The following STYXL1 variants were observed in gnomAD, a reference collection of about 807,000 sequenced individuals.
STYXL1 encodes serine/threonine/tyrosine-interacting-like protein 1.
In STYXL1, 32 loss-of-function variants were observed where a neutral mutation model predicts 36.4. The observed-to-expected ratio is 0.88, with a 90% confidence interval of 0.66 to 1.18. The LOEUF is 1.18. Ranked by LOEUF, STYXL1 falls within the 50% of genes most tolerant of loss-of-function variation. The pLI is 0.00. For missense variants in STYXL1, 354 were observed against 394.1 expected (o/e 0.90, Z 0.86); for synonymous variants, 133 against 144.1 (o/e 0.92, Z 0.55).
At chr7:75,996,683 G>C in intron 8 of STYXL1, 84 bp from the exon 9 acceptor site, 1 of 1,391,450 alleles carries the variant, frequency 7.2e-7, no homozygotes, top group Non-Finnish European at 1.0e-6. Flanking sequence ...TCAGAGACAG[G>C]AGGCACTTGC....
chr7:76,032,169 G>T (rs1202981321), intron 1 of STYXL1, among the ~76,000 whole-genome samples: 1 of 151,882 alleles, frequency 6.6e-6, no homozygotes, highest in Non-Finnish European at 1.5e-5. Flanking sequence ...AGGTAGGGGG[G>T]ATTGCTTGAG....
At chr7:76,003,395 T>G (rs188413900) in intron 7 of STYXL1, among the ~76,000 whole-genome samples, 22 of 152,184 alleles carry the variant, frequency 1.4e-4, no homozygotes, top group South Asian at 2.1e-4. Context: ...TGGAGAGAGA[T>G]AGATTTACTA....
intron 1 of STYXL1, among the ~76,000 whole-genome samples, chr7:76,040,810 T>G (rs1796407744): frequency 7.0e-6 from 1 of 143,436 alleles, no homozygotes. Flanking sequence ...CACTTCAGCC[T>G]GGGCAACACA....
intron 5 of STYXL1, among the ~76,000 whole-genome samples, chr7:76,011,197 G>C (rs941599912): frequency 6.6e-6 from 1 of 152,182 alleles, no homozygotes; most frequent in African/African-American, 2.4e-5. Flanking sequence ...CTGGGCAACA[G>C]AGTGAGACCC....
intron 1 of STYXL1, among the ~76,000 whole-genome samples, chr7:76,046,323 TGTGTGTGTGTGTGTGTGC>T (rs1405861734): frequency 0.02 from 523 of 26,478 alleles, 3 homozygotes; most frequent in South Asian, 0.051. Flanking sequence ...TGTGTGTGTG[TGTGTGTGTGTGTGTGTGC>T]GCGCGCGCGC....
intron 3 of STYXL1, among the ~76,000 whole-genome samples, chr7:76,022,694 C>A (rs1794225524): frequency 1.3e-5 from 2 of 151,618 alleles, no homozygotes; most frequent in Admixed American, 1.3e-4. Flanking sequence ...AAAAAACACC[C>A]CAAAAAAGGA....
intron 6 of STYXL1, among the ~76,000 whole-genome samples, chr7:76,004,362 T>C (rs1489885086): frequency 6.6e-6 from 1 of 151,764 alleles, no homozygotes; most frequent in African/African-American, 2.4e-5. Flanking sequence ...CTCAAAGTGC[T>C]GGGATTACAG....
At chr7:76,038,620 G>A (rs1796179389) in intron 1 of STYXL1, among the ~76,000 whole-genome samples, 1 of 151,616 alleles carries the variant, frequency 6.6e-6, no homozygotes, top group East Asian at 1.9e-4. Flanking sequence ...TAGAGACGGG[G>A]TTTCACCGTG....
Position 76,013,867 on chromosome 7 carries a change from T to C in STYXL1, c.328A>G (p.Ile110Val), listed in dbSNP as rs1792918926. ...CGGGTCAGGATCCTGCCATACTCAA[T>C]GGCTGCTTGAGGCACAAGATCTGAG... is the stretch of plus-strand genomic sequence containing the variant. ...DGKDLVPQAAIEYGRILTRLT... is the reference protein window; with the variant it reads ...DGKDLVPQAAVEYGRILTRLT... Residue 110 changes from isoleucine to valine, a missense_variant, in exon 5 of 9, where the codon ATT (isoleucine) becomes GTT (valine). By Grantham distance (29) the Ile-to-Val change is conservative. Transcript: ENST00000359697. 6.2e-7 allele frequency: 1 copy of C among 1,612,830 alleles called. No homozygotes were observed. Among genetic ancestry groups the C allele is most frequent in the Non-Finnish European group, 8.5e-7 (1 of 1,179,282 alleles).
intron 2 of STYXL1, among the ~76,000 whole-genome samples, chr7:76,029,980 G>A (rs1291944013): frequency 6.6e-6 from 1 of 151,962 alleles, no homozygotes; most frequent in Non-Finnish European, 1.5e-5. Flanking sequence ...GGGGGTTGGG[G>A]GTTGCGGACT....
At chr7:76,031,164 T>TAAA (rs1554579196) in intron 1 of STYXL1, among the ~76,000 whole-genome samples, 1 of 131,596 alleles carries the variant, frequency 7.6e-6, no homozygotes, top group Non-Finnish European at 1.6e-5. Flanking sequence ...CTGTCTAAAA[T>TAAA]AATAATAATA....
chr7:76,035,544 C>T (rs1795830717), intron 1 of STYXL1, among the ~76,000 whole-genome samples: 1 of 149,790 alleles, frequency 6.7e-6, no homozygotes. Context: ...GCCATCTGGA[C>T]CTGCCATCAT....
chr7:76,026,752 A>AAG (rs1426910633), intron 3 of STYXL1, among the ~76,000 whole-genome samples: 1 of 152,238 alleles, frequency 6.6e-6, no homozygotes, highest in African/African-American at 2.4e-5. Flanking sequence ...AGGTGAACCA[A>AAG]AGAGATAGAA....
intron 2 of STYXL1, 65 bp downstream of exon 2, chr7:76,030,356 C>A: frequency 7.9e-7 from 1 of 1,261,426 alleles, no homozygotes; most frequent in Non-Finnish European, 1.2e-6. Context: ...AGTTTGTTAA[C>A]TCATCAAAAA....
chr7:76,010,304 CAG>C (rs1202033529), intron 5 of STYXL1, among the ~76,000 whole-genome samples: 2 of 152,126 alleles, frequency 1.3e-5, no homozygotes, highest in African/African-American at 4.8e-5. Context: ...CTGAAATTCA[CAG>C]TGCTGTTATC....
chr7:76,041,036 G>A (rs1400380557), intron 1 of STYXL1, among the ~76,000 whole-genome samples: 7 of 150,972 alleles, frequency 4.6e-5, no homozygotes, highest in African/African-American at 9.7e-5. Context: ...CAAAAGGAGC[G>A]GTTTAAAATA....
chr7:76,012,414 G>A (rs1357276951), intron 5 of STYXL1, among the ~76,000 whole-genome samples: 1 of 151,962 alleles, frequency 6.6e-6, no homozygotes, highest in Non-Finnish European at 1.5e-5. Context: ...ATTTTTTTGA[G>A]CCAGGGTCTC....
chr7:76,020,321 G>A (rs1793911921), intron 4 of STYXL1, among the ~76,000 whole-genome samples: 1 of 152,212 alleles, frequency 6.6e-6, no homozygotes, highest in Non-Finnish European at 1.5e-5. Flanking sequence ...GGCAGTTGGT[G>A]TGAGTGCCCC....
intron 4 of STYXL1, among the ~76,000 whole-genome samples, chr7:76,015,949 C>T (rs1472915384): frequency 1.4e-4 from 22 of 152,130 alleles, no homozygotes; most frequent in Non-Finnish European, 3.1e-4. Context: ...GCTTCCTGTC[C>T]TCAAACATTG....
Sources: gnomAD v4.1 joint callset for allele counts (sites outside exome capture counted in the v4.1 genomes callset) on GRCh38, gnomAD v4.1.1 for gene constraint, MANE v1.5 for transcripts, NCBI Gene and HGNC (gene_info 2026-07-23, HGNC 2026-07-21) for gene names.